COL24A1: variants seen among roughly 807,000 people sequenced by gnomAD.
The protein encoded by COL24A1 is collagen type XXIV alpha 1 chain.
Under a neutral mutation model 253.9 loss-of-function variants are expected in COL24A1, and 224 were observed. The ratio of observed to expected loss-of-function variants is 0.88; its 90% CI spans 0.79 to 0.99. The LOEUF (loss-of-function observed/expected upper bound fraction) is 0.99, where lower values mean the gene tolerates loss of function less well. Among genes scored for constraint, COL24A1 ranks in the 50% least tolerant of loss-of-function variants. The pLI is 0.00. For missense variants in COL24A1, 2,131 were observed against 2,068.5 expected, an observed-to-expected ratio of 1.03 and a Z score of -0.59; for synonymous variants, 685 against 673.7, an observed-to-expected ratio of 1.02 and a Z score of -0.26.
intron 43 of COL24A1, among the ~76,000 whole-genome samples, chr1:85,826,864 T>C (rs1674417564): frequency 6.6e-6 from 1 of 152,240 alleles, no homozygotes; most frequent in African/African-American, 2.4e-5. Context: ...AATCATGGCA[T>C]CTGCAAAGAG....
intron 37 of COL24A1, among the ~76,000 whole-genome samples, chr1:85,850,364 T>C (rs1165998650): frequency 1.3e-5 from 2 of 152,216 alleles, no homozygotes; most frequent in African/African-American, 4.8e-5. Flanking sequence ...GGTTTACCAC[T>C]GTGCTATGTA....
Position 85,908,655 on chromosome 1 carries a change from T to C in COL24A1, c.2671-4A>G. ...CCCCAGGAGGACCTGGATATCCCTA[T>C]AATTTAAGGAAAATATAAAAGAAGT... On this transcript the variant is annotated splice_region_variant and splice_polypyrimidine_tract_variant and intron_variant, in intron 26 of 59. Coordinates refer to ENST00000370571, the MANE Select transcript of COL24A1 (RefSeq NM_152890.7). 1.5e-6 allele frequency: 2 copies of C among 1,362,914 alleles called. No individual in the cohort carries two copies. The highest frequency in any genetic ancestry group is 2.0e-6 in the Non-Finnish European group (2 of 1,018,992). The allele number at this position is 1,362,914 out of a possible 1,614,324, so 84.4% of individuals were successfully genotyped here.
At chr1:86,040,422 G>A (rs970909834) in intron 12 of COL24A1, among the ~76,000 whole-genome samples, 15 of 149,386 alleles carry the variant, frequency 1.0e-4, no homozygotes, top group African/African-American at 3.7e-4. Flanking sequence ...CCACTAACTC[G>A]TCATCTAGCA....
chr1:85,744,147 T>C (rs567253163), intron 57 of COL24A1, among the ~76,000 whole-genome samples: 1 of 152,192 alleles, frequency 6.6e-6, no homozygotes, highest in Non-Finnish European at 1.5e-5. Flanking sequence ...CTAATCTAAA[T>C]TCATTTTTGC....
chr1:85,980,624 C>G (rs1693157636), intron 20 of COL24A1, among the ~76,000 whole-genome samples: 1 of 152,076 alleles, frequency 6.6e-6, no homozygotes, highest in Admixed American at 6.6e-5. Context: ...GTATACCTAA[C>G]CAAGGCGGGT....
rs1670862531 is a variant in COL24A1, at chr1:85,796,893, A to G, written c.3952-10432T>C. On this transcript the variant is annotated intron_variant, in intron 47 of 59. Coordinates refer to ENST00000370571, the MANE Select transcript of COL24A1 (RefSeq NM_152890.7). ...AAACCCAGGTCTCCAAGATCCTAACAACTATGCAAAGAACATTCAATTCCT... is the reference window on the plus strand; with the variant it reads ...AAACCCAGGTCTCCAAGATCCTAACGACTATGCAAAGAACATTCAATTCCT... Among the ~76,000 whole-genome samples the G allele has an allele frequency of 3.3e-5, 5 of 152,070 alleles. No homozygotes were observed. The South Asian group carries it at 1.0e-3, about 31-fold the overall frequency.
chr1:86,058,103 T>G (rs941435593), intron 9 of COL24A1, 128 bp from the exon 10 acceptor site: 1 of 583,050 alleles, frequency 1.7e-6, no homozygotes, highest in African/African-American at 1.9e-5. Context: ...TCTGTATAAC[T>G]AATGAAGATT....
At chr1:86,054,493 A>G (rs1700532284) in intron 10 of COL24A1, among the ~76,000 whole-genome samples, 1 of 152,172 alleles carries the variant, frequency 6.6e-6, no homozygotes, top group African/African-American at 2.4e-5. Context: ...AAGGACATGA[A>G]TAGACACTTC....
intron 43 of COL24A1, among the ~76,000 whole-genome samples, chr1:85,825,911 A>T (rs377576328): frequency 0.18 from 12,516 of 70,024 alleles, 1,395 homozygotes; most frequent in Middle Eastern, 0.27. Context: ...TTTGCTGTGC[A>T]GAAGCTCTTT....
intron 37 of COL24A1, among the ~76,000 whole-genome samples, chr1:85,866,130 G>T (rs1403197564): frequency 6.6e-6 from 1 of 152,136 alleles, no homozygotes; most frequent in East Asian, 1.9e-4. Context: ...GGGCATGGTG[G>T]TGGGTGCCTG....
At chr1:86,017,484 G>A (rs1006625910) in intron 18 of COL24A1, among the ~76,000 whole-genome samples, 4 of 152,132 alleles carry the variant, frequency 2.6e-5, no homozygotes, top group Admixed American at 2.6e-4. Context: ...GTTTATATGT[G>A]TTTCACAGAG....
chr1:85,882,411 G>A (rs557131035), intron 32 of COL24A1, among the ~76,000 whole-genome samples: 232 of 152,154 alleles, frequency 1.5e-3, no homozygotes, highest in Non-Finnish European at 2.8e-3. Flanking sequence ...CTTGCAGTGA[G>A]CCGAGATCGG....
At chr1:85,870,485 A>G (rs1034159601) in intron 35 of COL24A1, among the ~76,000 whole-genome samples, 2 of 152,244 alleles carry the variant, frequency 1.3e-5, no homozygotes, top group African/African-American at 4.8e-5. Context: ...AACAGAAATT[A>G]TAACAAACTG....
At chr1:86,141,658 G>C (rs944578968) in intron 2 of COL24A1, among the ~76,000 whole-genome samples, 2 of 151,736 alleles carry the variant, frequency 1.3e-5, no homozygotes, top group African/African-American at 4.8e-5. Context: ...CAGTTAACTA[G>C]CCTACCCATG....
At chr1:85,981,279 G>A (rs1429852094) in intron 20 of COL24A1, among the ~76,000 whole-genome samples, 2 of 152,056 alleles carry the variant, frequency 1.3e-5, no homozygotes, top group Non-Finnish European at 2.9e-5. Flanking sequence ...GCATGGTACT[G>A]GTATAAAATT....
intron 7 of COL24A1, among the ~76,000 whole-genome samples, chr1:86,086,055 G>A (rs1571872769): frequency 6.6e-6 from 1 of 151,574 alleles, no homozygotes; most frequent in African/African-American, 2.4e-5. Context: ...TAACTTTCTT[G>A]CAGACATTTT....
At chr1:85,932,016 A>G (rs1170404922) in intron 24 of COL24A1, among the ~76,000 whole-genome samples, 1 of 54,722 alleles carries the variant, frequency 1.8e-5, no homozygotes, top group African/African-American at 6.9e-5. Flanking sequence ...CATTCAGGAC[A>G]TAGGCGTGGG....
intron 53 of COL24A1, among the ~76,000 whole-genome samples, chr1:85,764,505 C>CACACACACA (rs1667166236): frequency 7.0e-6 from 1 of 142,204 alleles, no homozygotes; most frequent in South Asian, 2.3e-4. Context: ...CACACACACA[C>CACACACACA]CATATTCCTT....
intron 7 of COL24A1, among the ~76,000 whole-genome samples, chr1:86,070,169 G>A (rs78889762): frequency 7.2e-5 from 11 of 152,246 alleles, no homozygotes; most frequent in African/African-American, 2.4e-4. Context: ...TTCCACAGTT[G>A]AAAAATACAA....
Sources: gnomAD v4.1 joint callset for allele counts (sites outside exome capture counted in the v4.1 genomes callset) on GRCh38, gnomAD v4.1.1 for gene constraint, MANE v1.5 for transcripts, NCBI Gene and HGNC (gene_info 2026-07-23, HGNC 2026-07-21) for gene names.